The following PRMT9 variants were observed in gnomAD, a reference collection of about 807,000 sequenced individuals.
PRMT9 encodes protein arginine N-methyltransferase 9.
Under a neutral mutation model 83.2 loss-of-function variants are expected in PRMT9, and 59 were observed. That is an observed-to-expected ratio of 0.71 (90% CI 0.57 to 0.88). PRMT9 has a LOEUF of 0.88. PRMT9 is among the 40% of genes least tolerant of loss of function. The probability of loss-of-function intolerance (pLI) is 0.00; values close to 1 mark genes in which losing one functional copy is unlikely to be tolerated. For missense variants in PRMT9, 947 were observed against 1,021.9 expected, an observed-to-expected ratio of 0.93 and a Z score of 1.00; for synonymous variants, 333 against 353.2, an observed-to-expected ratio of 0.94 and a Z score of 0.64.
At chr4:147,640,061 CTTTTT>C (rs1185905675) in intron 10 of PRMT9, among the ~76,000 whole-genome samples, 2 of 35,086 alleles carry the variant, frequency 5.7e-5, no homozygotes, top group African/African-American at 1.8e-4. Context: ...CCACTCCTGT[CTTTTT>C]TTTTTTTTTT....
At chr4:147,676,975 C>T (rs1224943075) in intron 2 of PRMT9, among the ~76,000 whole-genome samples, 1 of 144,514 alleles carries the variant, frequency 6.9e-6, no homozygotes, top group Non-Finnish European at 1.5e-5. Flanking sequence ...ACCTGGGAGG[C>T]GGAGGTTGCA....
At chr4:147,655,983 C>T (rs1027434441) in intron 8 of PRMT9, among the ~76,000 whole-genome samples, 3 of 152,122 alleles carry the variant, frequency 2.0e-5, no homozygotes, top group African/African-American at 7.2e-5. Context: ...TCACTGTGGT[C>T]GGCATTTTAT....
chr4:147,639,960 T>A (rs1010914004), intron 10 of PRMT9, among the ~76,000 whole-genome samples: 1 of 151,422 alleles, frequency 6.6e-6, no homozygotes, highest in Non-Finnish European at 1.5e-5. Context: ...TAGATTCTCA[T>A]GTCACCTCTT....
chr4:147,682,058 T>C (rs1337268071), intron 1 of PRMT9, among the ~76,000 whole-genome samples: 1 of 152,104 alleles, frequency 6.6e-6, no homozygotes. Flanking sequence ...CAGGCTGGAG[T>C]GCAATGGCAC....
chr4:147,638,222 A>T lies in PRMT9; in HGVS notation c.*310T>A, dbSNP rs1186347961. ...AAGGCCAAGATGCCTACAAAAGTAA[A>T]GTTTTGCTTTACTTACACATGTCAA... On this transcript the variant is annotated 3_prime_UTR_variant, in exon 12 of 12. Transcript: ENST00000322396. The T allele has an allele frequency of 3.2e-6, 1 of 317,438 alleles. No individual in the cohort carries two copies. The highest frequency in any genetic ancestry group is 5.9e-6 in the Non-Finnish European group (1 of 168,484). The allele number at this position is 317,438 out of a possible 1,614,324, so 19.7% of individuals were successfully genotyped here.
chr4:147,681,211 A>G (rs1736447899), intron 1 of PRMT9, among the ~76,000 whole-genome samples: 1 of 152,134 alleles, frequency 6.6e-6, no homozygotes, highest in African/African-American at 2.4e-5. Flanking sequence ...AACCTAGCCA[A>G]TGCTCTCTCA....
chr4:147,642,918 T>G lies in PRMT9; in HGVS notation c.2068A>C (p.Lys690Gln). The change falls in exon 10 of 12, where the codon AAG (lysine) becomes CAG (glutamine). Residue 690 changes from lysine to glutamine, a missense_variant. By Grantham distance (53) the Lys-to-Gln change is moderately conservative. Coordinates refer to ENST00000322396, the MANE Select transcript of PRMT9 (RefSeq NM_138364.4). Reference sequence around the variant, plus strand: ...ATCAGCACATACTGAGGAAAGATCTTGCCTCCAGATTGTAGTAAACACCTA... The same window carrying G: ...ATCAGCACATACTGAGGAAAGATCTGGCCTCCAGATTGTAGTAAACACCTA... ...ISRCLLQSGG[K>Q]IFPQYVLMFG... 6.2e-7 allele frequency: 1 copy of G among 1,614,124 alleles called. No homozygotes were observed. Among genetic ancestry groups the G allele is most frequent in the Non-Finnish European group, 8.5e-7 (1 of 1,179,966 alleles).
chr4:147,647,007 G>A (rs537332717), intron 9 of PRMT9, among the ~76,000 whole-genome samples: 2 of 152,202 alleles, frequency 1.3e-5, no homozygotes, highest in East Asian at 1.9e-4. Context: ...TTTAAAGCAC[G>A]GATGGTAATA....
intron 7 of PRMT9, among the ~76,000 whole-genome samples, chr4:147,660,039 C>T (rs1218617916): frequency 6.6e-6 from 1 of 152,200 alleles, no homozygotes; most frequent in Non-Finnish European, 1.5e-5. Flanking sequence ...GAAGGCTGGT[C>T]ACCATAATGC....
chr4:147,660,501 A>G (rs1485994102), intron 7 of PRMT9, among the ~76,000 whole-genome samples: 3 of 152,126 alleles, frequency 2.0e-5, no homozygotes, highest in Non-Finnish European at 2.9e-5. Context: ...ACAGTGGTAC[A>G]TGCCTGTAGT....
At chr4:147,656,788 A>AC (rs1246834808) in intron 8 of PRMT9, among the ~76,000 whole-genome samples, 1 of 149,436 alleles carries the variant, frequency 6.7e-6, no homozygotes, top group Non-Finnish European at 1.5e-5. Context: ...AAAAAAAAAA[A>AC]AAAAAAAGAA....
chr4:147,638,453 A>G lies in PRMT9; in HGVS notation c.*79T>C, dbSNP rs1341744563. 2 of 1,025,570 alleles carry G rather than the reference A, an allele frequency of 2.0e-6. No homozygotes were observed. Among genetic ancestry groups the G allele is most frequent in the Non-Finnish European group, 3.1e-6 (2 of 651,572 alleles). 63.5% of individuals were successfully genotyped at this position (1,025,570 alleles called of 1,614,324 possible). On this transcript the variant is annotated 3_prime_UTR_variant, in exon 12 of 12. Transcript: ENST00000322396. ...TATTTGACCATTACAAGGAATTTTTATATACCCCCACTAATTAAGACAAGA... is the reference window on the plus strand; with the variant it reads ...TATTTGACCATTACAAGGAATTTTTGTATACCCCCACTAATTAAGACAAGA...
intron 1 of PRMT9, 87 bp from the exon 2 acceptor site, chr4:147,680,558 C>T (rs1350773581): frequency 2.9e-6 from 3 of 1,031,724 alleles, no homozygotes; most frequent in African/African-American, 1.6e-5. Context: ...TCCAAGCAAT[C>T]GAACTTAATC....
intron 9 of PRMT9, among the ~76,000 whole-genome samples, chr4:147,644,373 TAAA>T (rs56271212): frequency 2.1e-5 from 3 of 142,966 alleles, no homozygotes; most frequent in Non-Finnish European, 3.1e-5. Flanking sequence ...ATGCAAAATT[TAAA>T]AAAAAAAAAA....
At chr4:147,678,621 T>C (rs974725230) in intron 2 of PRMT9, among the ~76,000 whole-genome samples, 75 of 152,328 alleles carry the variant, frequency 4.9e-4, no homozygotes, top group African/African-American at 1.8e-3. Flanking sequence ...AAACTGATTA[T>C]ACAAACAATG....
intron 4 of PRMT9, 60 bp downstream of exon 4, chr4:147,672,899 T>C (rs1236821464): frequency 1.6e-5 from 23 of 1,400,620 alleles, no homozygotes; most frequent in Admixed American, 1.2e-4. Flanking sequence ...GCTAGAAATA[T>C]ATCTTAGTTT....
chr4:147,668,950 G>A (rs565240269), intron 5 of PRMT9, among the ~76,000 whole-genome samples: 7 of 152,238 alleles, frequency 4.6e-5, no homozygotes, highest in African/African-American at 1.7e-4. Context: ...GCTGGGCGTG[G>A]TGGCACGCGC....
chr4:147,654,335 T>G lies in PRMT9; in HGVS notation c.1562A>C (p.Glu521Ala). ...PDAVEQTCIL[E>A]STEIALLNNI... Reference sequence around the variant, plus strand: ...GTTAAGCAAAGCAATTTCTGTAGATTCCAATATACATGTCTGCTCTACAGC... The same window carrying G: ...GTTAAGCAAAGCAATTTCTGTAGATGCCAATATACATGTCTGCTCTACAGC... Residue 521 changes from glutamate (E) to alanine (A), a missense_variant, in exon 9 of 12, where the codon GAA (glutamate) becomes GCA (alanine). Glu to Ala is a moderately radical substitution (Grantham distance 107). Coordinates refer to ENST00000322396, the MANE Select transcript of PRMT9 (RefSeq NM_138364.4). 1 of 1,614,162 alleles carries G rather than the reference T, an allele frequency of 6.2e-7. No homozygotes were observed. Among genetic ancestry groups the G allele is most frequent in the South Asian group, 1.1e-5 (1 of 91,082 alleles).
intron 2 of PRMT9, among the ~76,000 whole-genome samples, chr4:147,675,129 C>T (rs949648465): frequency 2.6e-5 from 4 of 152,044 alleles, no homozygotes; most frequent in Admixed American, 1.3e-4. Flanking sequence ...TACAGGAATG[C>T]GCCACCACGT....
Sources: gnomAD v4.1 joint callset for allele counts (sites outside exome capture counted in the v4.1 genomes callset) on GRCh38, gnomAD v4.1.1 for gene constraint, MANE v1.5 for transcripts, NCBI Gene and HGNC (gene_info 2026-07-23, HGNC 2026-07-21) for gene names.